LPIN2: variants seen among roughly 807,000 people sequenced by gnomAD.
LPIN2 encodes the protein phosphatidate phosphatase LPIN2.
In LPIN2, 55 loss-of-function variants were observed where a neutral mutation model predicts 111.4. That is an observed-to-expected ratio of 0.49 (90% CI 0.40 to 0.62). LPIN2 has a LOEUF of 0.62. LPIN2 is among the 20% of genes least tolerant of loss of function. The pLI is 0.00. For missense variants in LPIN2, 992 were observed against 1,112.1 expected (o/e 0.89, Z 1.54); for synonymous variants, 425 against 414.0 (o/e 1.03, Z -0.32).
chr18:2,951,307 T>C lies in LPIN2; in HGVS notation c.338A>G (p.Gln113Arg). The change falls in exon 4 of 20, where the codon CAG becomes CGG. Residue 113 changes from glutamine to arginine, a missense_variant. Transcript: ENST00000677752. ...LATSPIPTED[Q>R]FFKDIDTPLV... Reference sequence around the variant, plus strand: ...AGGGGTGTCAATATCTTTAAAGAACTGATCTTCAGTAGGAATTGGTGAGGT... The same window carrying C: ...AGGGGTGTCAATATCTTTAAAGAACCGATCTTCAGTAGGAATTGGTGAGGT... The C allele has an allele frequency of 6.2e-7, 1 of 1,614,154 alleles. No homozygotes were observed. The highest frequency in any genetic ancestry group is 2.2e-5 in the East Asian group (1 of 44,880).
Position 2,929,105 on chromosome 18 carries a change from G to A in LPIN2, c.1510C>T (p.Leu504Phe), listed in dbSNP as rs104895500. Residue 504 changes from leucine to phenylalanine, a missense_variant, in exon 10 of 20, where the codon CTT becomes TTT. Physicochemically the swap from Leu to Phe is conservative, Grantham distance 22 (BLOSUM62 0). Transcript: ENST00000677752. ...ATTACAAGGTTAGGATTGTCTATAA[G>A]TCCAGGGTTTTCTGCAAATTCGTGA... ...TYHEFAENPG[L>F]IDNPNLVIRI... 3.2e-3 allele frequency: 5,137 copies of A among 1,606,330 alleles called. 16 individuals carry two copies. The highest frequency in any genetic ancestry group is 3.7e-3 in the Non-Finnish European group (4,384 of 1,173,182).
chr18:3,008,678 T>C (rs1242191881), intron 1 of LPIN2, among the ~76,000 whole-genome samples: 1 of 152,118 alleles, frequency 6.6e-6, no homozygotes, highest in Non-Finnish European at 1.5e-5. Context: ...GCCAAATAAT[T>C]TTTAAACCTA....
intron 1 of LPIN2, chr18:2,991,104 A>T: frequency 4.0e-6 from 2 of 496,382 alleles, no homozygotes; most frequent in South Asian, 3.2e-5. Context: ...AGGCCTCCCT[A>T]TATCAGTTTT....
intron 1 of LPIN2, among the ~76,000 whole-genome samples, chr18:2,965,147 A>AC (rs2077775854): frequency 6.8e-6 from 1 of 147,932 alleles, no homozygotes; most frequent in Non-Finnish European, 1.5e-5. Flanking sequence ...AAAAGTGAAG[A>AC]AAAAAAAAAG....
intron 1 of LPIN2, among the ~76,000 whole-genome samples, chr18:2,964,976 A>G (rs901084799): frequency 1.3e-5 from 2 of 152,208 alleles, no homozygotes; most frequent in Non-Finnish European, 2.9e-5. Context: ...TTTAAAAACG[A>G]TATTTAAAGA....
chr18:3,008,874 G>A (rs1356668856), intron 1 of LPIN2, among the ~76,000 whole-genome samples: 1 of 145,724 alleles, frequency 6.9e-6, no homozygotes, highest in Non-Finnish European at 1.5e-5. Flanking sequence ...CACTACCACA[G>A]CTGTGTTTTT....
intron 7 of LPIN2, among the ~76,000 whole-genome samples, chr18:2,937,247 G>T (rs1260047770): frequency 1.3e-5 from 2 of 152,034 alleles, no homozygotes; most frequent in East Asian, 3.9e-4. Flanking sequence ...GCAATTGTAA[G>T]AAAGTGAGTG....
At chr18:2,946,585 AGGATGCG>A (rs1226354745) in intron 4 of LPIN2, 5 of 984,458 alleles carry the variant, frequency 5.1e-6, no homozygotes, top group Non-Finnish European at 8.2e-6. Flanking sequence ...GAACAGCAAG[AGGATGCG>A]TTAGCCAATC....
chr18:3,000,030 GTTT>G (rs57443537), intron 1 of LPIN2, among the ~76,000 whole-genome samples: 2 of 142,880 alleles, frequency 1.4e-5, no homozygotes, highest in South Asian at 2.2e-4. Flanking sequence ...TCTCTGTTTT[GTTT>G]TTTTTTTTCT....
chr18:2,983,196 G>C (rs1017841548), intron 1 of LPIN2, among the ~76,000 whole-genome samples: 2 of 152,158 alleles, frequency 1.3e-5, no homozygotes, highest in African/African-American at 4.8e-5. Context: ...TCATGTAAGG[G>C]AAGTAATTTA....
Position 2,925,351 on chromosome 18 carries a change from G to A in LPIN2, c.1811C>T (p.Ser604Phe), listed in dbSNP as rs746391348. 3 of 1,614,064 alleles carry A rather than the reference G, an allele frequency of 1.9e-6. No individual in the cohort carries two copies. The highest frequency in any genetic ancestry group is 1.3e-5 in the African/African-American group (1 of 74,912). Residue 604 changes from serine (S) to phenylalanine (F), a missense_variant, in exon 14 of 20, where the codon TCC (serine) becomes TTC (phenylalanine). Ser to Phe is a radical substitution (Grantham distance 155). Around this residue, in one of 4 missense-constraint regions of LPIN2, gnomAD observed 709 missense variants for 753.2 expected, o/e 0.94. Transcript: ENST00000677752. This position sits in a 1 kb window ranked among gnomAD's most constrained non-coding sequence, Gnocchi z 4.1. ...CTCCTGTGATCCCTCGTCACTCGAG[G>A]AGTCATTCTCGGCCGGCCTGTTCAA... ...PAGARPAENDSSSDEGSQELE... is the reference protein window; with the variant it reads ...PAGARPAENDFSSDEGSQELE...
At position 2,917,305 on chromosome 18, in the gene LPIN2, A is replaced by G. The variant is rs1206303389; in HGVS notation, c.*2988T>C. On this transcript the variant is annotated 3_prime_UTR_variant, in exon 20 of 20. Transcript: ENST00000677752. Reference sequence around the variant, plus strand: ...GAGCACTTACTTCAGGGAAAGACTCAATTTTTAACCAGTTTTATTAAACCC... The same window carrying G: ...GAGCACTTACTTCAGGGAAAGACTCGATTTTTAACCAGTTTTATTAAACCC... 1 of 152,260 alleles carries G rather than the reference A, an allele frequency of 6.6e-6. No individual in the cohort carries two copies. Among genetic ancestry groups the G allele is most frequent in the African/African-American group, 2.4e-5 (1 of 41,474 alleles). 9.4% of individuals were successfully genotyped at this position (152,260 alleles called of 1,614,324 possible).
rs759180126 is a variant in LPIN2 at position 2,951,372 on chromosome 18, G to A, written c.289-16C>T. On this transcript the variant is annotated splice_polypyrimidine_tract_variant and intron_variant, in intron 3 of 19. Transcript: ENST00000677752. The stretch of plus-strand genomic sequence containing the variant: ...GAAGCTTTTCCTTGAGGAGAATGGA[G>A]AAAGAAAAGTTATCCATGACAAACT... The A allele has an allele frequency of 1.6e-4, 256 of 1,607,848 alleles. 3 individuals carry two copies. The highest frequency in any genetic ancestry group is 3.3e-4 in the Middle Eastern group (2 of 6,056).
At chr18:2,923,955 G>T in intron 15 of LPIN2, 94 bp from the exon 16 acceptor site, 2 of 976,976 alleles carry the variant, frequency 2.0e-6, no homozygotes, top group African/African-American at 1.6e-5. Context: ...ATAACTAATT[G>T]GTGGCGGGAC....
chr18:2,926,880 C>T, intron 12 of LPIN2, 75 bp from the exon 13 acceptor site: 1 of 1,176,248 alleles, frequency 8.5e-7, no homozygotes, highest in Non-Finnish European at 1.3e-6. Flanking sequence ...GCAGCCCTCT[C>T]TAGGAAAGAA....
At chr18:3,009,126 G>A (rs1366155686) in intron 1 of LPIN2, among the ~76,000 whole-genome samples, 5 of 152,018 alleles carry the variant, frequency 3.3e-5, no homozygotes, top group Admixed American at 6.5e-5. Flanking sequence ...TCGGCCAGGC[G>A]CGGTGGCTCA....
intron 9 of LPIN2, among the ~76,000 whole-genome samples, chr18:2,930,656 A>C (rs1029415266): frequency 6.6e-6 from 1 of 152,248 alleles, no homozygotes; most frequent in Non-Finnish European, 1.5e-5. Flanking sequence ...AAGGTTAAAA[A>C]AAAATGCTGA....
chr18:2,921,579 G>T lies in LPIN2; in HGVS notation c.2396C>A (p.Ala799Asp). ...ECLNDIKNLF[A>D]PSKQPFYAAF... ...AGCATAGAAGGGCTGCTTAGACGGGGCAAACAGATTCTTGATATCATTTAG... is the reference window on the plus strand; with the variant it reads ...AGCATAGAAGGGCTGCTTAGACGGGTCAAACAGATTCTTGATATCATTTAG... The change falls in exon 18 of 20, where the codon GCC (alanine) becomes GAC (aspartate). Residue 799 changes from alanine (A) to aspartate (D), a missense_variant. Around this residue, in one of 4 missense-constraint regions of LPIN2, gnomAD observed 185 missense variants for 186.5 expected, o/e 0.99. Transcript: ENST00000677752. 2 of 1,614,092 alleles carry T rather than the reference G, an allele frequency of 1.2e-6. No individual in the cohort carries two copies. The highest frequency in any genetic ancestry group is 1.7e-6 in the Non-Finnish European group (2 of 1,179,984).
chr18:3,005,298 C>A (rs1362575825), intron 1 of LPIN2, among the ~76,000 whole-genome samples: 1 of 150,628 alleles, frequency 6.6e-6, no homozygotes, highest in Non-Finnish European at 1.5e-5. Flanking sequence ...TGCAGCGAGC[C>A]AAGATCGTGC....
Sources: gnomAD v4.1 joint callset for allele counts (sites outside exome capture counted in the v4.1 genomes callset) on GRCh38, gnomAD v4.1.1 for gene constraint, gnomAD v4.1.1 regional missense constraint, Gnocchi (gnomAD v3.1) non-coding constraint, MANE v1.5 for transcripts, NCBI Gene and HGNC (gene_info 2026-07-23, HGNC 2026-07-21) for gene names.